AKT3: variants seen among roughly 807,000 people sequenced by gnomAD.
The protein encoded by AKT3 is AKT serine/threonine kinase 3.
AKT3 carries 15 observed loss-of-function variants against 65.3 expected under a neutral mutation model. That is an observed-to-expected ratio of 0.23 (90% CI 0.15 to 0.35). The LOEUF (loss-of-function observed/expected upper bound fraction) is 0.35, where lower values mean the gene tolerates loss of function less well. AKT3 is among the 10% of genes least tolerant of loss of function. The probability of loss-of-function intolerance (pLI) is 1.00; values close to 1 mark genes in which losing one functional copy is unlikely to be tolerated. For missense variants in AKT3, 243 were observed against 576.5 expected (o/e 0.42, Z 5.92); for synonymous variants, 206 against 183.8 (o/e 1.12, Z -0.98).
chr1:243,709,471 G>C (rs1195124222), intron 2 of AKT3, among the ~76,000 whole-genome samples: 1 of 151,762 alleles, frequency 6.6e-6, no homozygotes, highest in East Asian at 1.9e-4. Flanking sequence ...ATAATTCAAA[G>C]TATAGTAGTT....
chr1:243,676,797 T>A (rs1683554231), intron 3 of AKT3, among the ~76,000 whole-genome samples: 1 of 152,196 alleles, frequency 6.6e-6, no homozygotes, highest in South Asian at 2.1e-4. Flanking sequence ...ATCCTTTTTT[T>A]GTCCACTGCT....
intron 1 of AKT3, among the ~76,000 whole-genome samples, chr1:243,844,887 G>T (rs960705603): frequency 2.0e-5 from 3 of 152,068 alleles, no homozygotes; most frequent in African/African-American, 7.2e-5. Flanking sequence ...AAAGGAAAAT[G>T]CCAACATAAA....
intron 3 of AKT3, among the ~76,000 whole-genome samples, chr1:243,689,482 ATTT>A (rs11354558): frequency 9.3e-5 from 12 of 128,364 alleles, no homozygotes; most frequent in Non-Finnish European, 8.2e-5. Flanking sequence ...TTATTCAAAG[ATTT>A]TTTTTTTTTT....
At chr1:243,612,622 T>C (rs1677954314) in intron 8 of AKT3, 1 of 155,552 alleles carries the variant, frequency 6.4e-6, no homozygotes, top group East Asian at 1.8e-4. Context: ...CCAGTAAATT[T>C]ACTTTTCCCT....
At position 243,765,001 on chromosome 1, in the gene AKT3, T is replaced by C. The variant is rs533570708; in HGVS notation, c.47-69285A>G. ...TAGAATTCTGAATAATGTAAATTCATTTATACATATATTTACTTTTGGTGC... is the reference window on the plus strand; with the variant it reads ...TAGAATTCTGAATAATGTAAATTCACTTATACATATATTTACTTTTGGTGC... On this transcript the variant is annotated intron_variant, in intron 2 of 13. Coordinates refer to ENST00000673466, the MANE Select transcript of AKT3 (RefSeq NM_005465.7). Among the ~76,000 whole-genome samples the C allele has an allele frequency of 3.8e-4, 58 of 152,272 alleles. 1 individual carries two copies. In the South Asian group the frequency reaches 0.012, roughly 32 times the overall value.
rs10157692 is a variant in AKT3 at position 243,576,816 on chromosome 1, A to G, written c.697-3768T>C. Among the ~76,000 whole-genome samples, 327 of 152,336 alleles carry G rather than the reference A, an allele frequency of 2.1e-3. 2 individuals are homozygous for G. Among genetic ancestry groups the G allele is most frequent in the African/African-American group, 7.6e-3 (317 of 41,580 alleles). On this transcript the variant is annotated intron_variant, in intron 8 of 13. Coordinates refer to ENST00000673466, the MANE Select transcript of AKT3 (RefSeq NM_005465.7). Reference sequence around the variant, plus strand: ...CCATACTGGCCAAAGTAATTTATAGATTCAATGCTATTCACAATAAACTAC... The same window carrying G: ...CCATACTGGCCAAAGTAATTTATAGGTTCAATGCTATTCACAATAAACTAC...
intron 13 of AKT3, among the ~76,000 whole-genome samples, chr1:243,492,625 T>A (rs1666829004): frequency 2.0e-5 from 3 of 146,466 alleles, no homozygotes; most frequent in Admixed American, 2.0e-4. Flanking sequence ...TTTTTTTTTT[T>A]TTGATGAGTT....
chr1:243,488,816 C>T (rs946523835), intron 13 of AKT3, among the ~76,000 whole-genome samples: 3 of 152,198 alleles, frequency 2.0e-5, no homozygotes, highest in African/African-American at 7.2e-5. Flanking sequence ...CCAGTTCCCA[C>T]GCACATTTGC....
intron 2 of AKT3, chr1:243,740,648 G>A (rs1468584840): frequency 1.3e-5 from 2 of 152,136 alleles, no homozygotes; most frequent in Non-Finnish European, 2.9e-5. Context: ...CAATCACAGA[G>A]TAGCTACAAT....
At chr1:243,696,682 T>A (rs1335995410) in intron 2 of AKT3, among the ~76,000 whole-genome samples, 1 of 151,968 alleles carries the variant, frequency 6.6e-6, no homozygotes, top group African/African-American at 2.4e-5. Flanking sequence ...AAACCCAACA[T>A]CTGAAGGTTC....
intron 5 of AKT3, among the ~76,000 whole-genome samples, chr1:243,643,306 C>G (rs770607712): frequency 1.3e-5 from 2 of 152,168 alleles, no homozygotes; most frequent in East Asian, 3.8e-4. Flanking sequence ...ATACTTTAAA[C>G]GTAAATCATG....
chr1:243,700,090 T>C (rs942812559), intron 2 of AKT3, among the ~76,000 whole-genome samples: 6 of 152,110 alleles, frequency 3.9e-5, no homozygotes, highest in Non-Finnish European at 8.8e-5. Flanking sequence ...TTTTTATTAA[T>C]TTGTGACAGC....
intron 5 of AKT3, among the ~76,000 whole-genome samples, chr1:243,640,165 A>G: frequency 6.6e-6 from 1 of 152,370 alleles, no homozygotes; most frequent in East Asian, 1.9e-4. Flanking sequence ...AGATATATTA[A>G]TTCAACTAAA....
chr1:243,706,944 T>C (rs895493384), intron 2 of AKT3, among the ~76,000 whole-genome samples: 7 of 152,188 alleles, frequency 4.6e-5, no homozygotes, highest in Admixed American at 4.6e-4. Context: ...CTGCCTGGGT[T>C]CAAATGCCAG....
intron 2 of AKT3, among the ~76,000 whole-genome samples, chr1:243,698,014 A>T (rs2148032573): frequency 6.6e-6 from 1 of 152,222 alleles, no homozygotes; most frequent in East Asian, 1.9e-4. Context: ...TATTTTACTG[A>T]AAAAAGACGG....
chr1:243,847,318 A>G (rs530769173), intron 1 of AKT3, among the ~76,000 whole-genome samples: 3 of 152,310 alleles, frequency 2.0e-5, no homozygotes, highest in African/African-American at 7.2e-5. Context: ...ATCACACTAT[A>G]AAGACAAGCT....
chr1:243,669,105 C>G (rs969162225), intron 3 of AKT3, among the ~76,000 whole-genome samples: 3 of 152,110 alleles, frequency 2.0e-5, no homozygotes, highest in African/African-American at 7.2e-5. Context: ...CTGACTCTGC[C>G]CATCAGTCTG....
intron 1 of AKT3, among the ~76,000 whole-genome samples, chr1:243,849,674 C>T (rs1695676468): frequency 6.6e-6 from 1 of 150,814 alleles, no homozygotes; most frequent in Admixed American, 6.6e-5. Flanking sequence ...GGGGAAGGAG[C>T]GAGAGTTGCG....
At chr1:243,715,055 T>C (rs574552640) in intron 2 of AKT3, among the ~76,000 whole-genome samples, 1 of 152,254 alleles carries the variant, frequency 6.6e-6, no homozygotes, top group South Asian at 2.1e-4. Context: ...AGTATCCTTC[T>C]GATCAATATT....
Sources: allele counts gnomAD v4.1 joint callset (sites outside exome capture counted in the v4.1 genomes callset), GRCh38; gene constraint gnomAD v4.1.1; transcripts MANE v1.5; gene names NCBI Gene and HGNC (gene_info 2026-07-23, HGNC 2026-07-21).